Variants in EPHB1 observed in about 807,000 individuals in gnomAD.
The protein encoded by EPHB1 is ephrin type-B receptor 1.
EPHB1 carries 30 observed loss-of-function variants against 94.4 expected under a neutral mutation model. The ratio of observed to expected loss-of-function variants is 0.32; its 90% CI spans 0.24 to 0.43. EPHB1 has a LOEUF of 0.43. Ranked by LOEUF, EPHB1 falls within the 20% of genes least tolerant of loss-of-function variation. The pLI, the probability that EPHB1 is intolerant of heterozygous loss-of-function variation, is 1.00. For missense variants in EPHB1, 1,055 were observed against 1,308.3 expected (o/e 0.81, Z 2.99); for synonymous variants, 522 against 489.1 (o/e 1.07, Z -0.89).
chr3:134,817,899 C>T (rs1487169983), intron 1 of EPHB1, among the ~76,000 whole-genome samples: 1 of 152,262 alleles, frequency 6.6e-6, no homozygotes, highest in East Asian at 1.9e-4. Flanking sequence ...AGCGCAATGA[C>T]TGGCGGTCGG....
chr3:134,994,120 G>C (rs190784252), intron 3 of EPHB1, among the ~76,000 whole-genome samples: 10 of 152,142 alleles, frequency 6.6e-5, no homozygotes, highest in Non-Finnish European at 1.2e-4. Context: ...CTGTTTACTT[G>C]TCTATCTCCC....
intron 3 of EPHB1, among the ~76,000 whole-genome samples, chr3:135,026,428 A>C (rs1386824706): frequency 1.7e-4 from 25 of 149,936 alleles, no homozygotes; most frequent in South Asian, 8.5e-4. Context: ...AGCTTTCTAC[A>C]TATGGCTAGC....
intron 1 of EPHB1, among the ~76,000 whole-genome samples, chr3:134,825,180 G>T (rs7634094): frequency 0.18 from 27,380 of 152,154 alleles, 3,367 homozygotes; most frequent in African/African-American, 0.35. Context: ...CCTCTATAAT[G>T]GGAAGGGGAT....
At chr3:134,957,058 G>A (rs116449649) in intron 3 of EPHB1, among the ~76,000 whole-genome samples, 3,052 of 152,276 alleles carry the variant, frequency 0.02, 114 homozygotes, top group African/African-American at 0.07. Context: ...GGTGGTCTAG[G>A]CAGGTGGTCT....
chr3:135,024,034 C>T (rs34656673), intron 3 of EPHB1, among the ~76,000 whole-genome samples: 38,722 of 152,088 alleles, frequency 0.25, 6,420 homozygotes, highest in East Asian at 0.71. Flanking sequence ...TGAAAAGGGG[C>T]CCCGCTGCAA....
intron 3 of EPHB1, among the ~76,000 whole-genome samples, chr3:135,088,907 T>A (rs1938460339): frequency 6.6e-6 from 1 of 152,270 alleles, no homozygotes; most frequent in African/African-American, 2.4e-5. Context: ...ATACTTTTAA[T>A]TGAGCAGTTA....
At chr3:135,049,173 G>A (rs180882720) in intron 3 of EPHB1, among the ~76,000 whole-genome samples, 2 of 152,162 alleles carry the variant, frequency 1.3e-5, no homozygotes, top group Non-Finnish European at 2.9e-5. Context: ...ATTTTTTGCT[G>A]TCTTTAAAAG....
chr3:135,007,203 C>T (rs1268980649), intron 3 of EPHB1, among the ~76,000 whole-genome samples: 4 of 152,118 alleles, frequency 2.6e-5, no homozygotes. Flanking sequence ...CCTGAGGGTC[C>T]CAGCTGCCTA....
chr3:135,142,854 C>T (rs906007498), intron 5 of EPHB1, among the ~76,000 whole-genome samples: 12 of 152,004 alleles, frequency 7.9e-5, no homozygotes, highest in South Asian at 2.1e-4. Flanking sequence ...GGGGGCGTGA[C>T]GGTGGGAGGG....
At chr3:135,180,066 G>A in intron 10 of EPHB1, 84 bp downstream of exon 10, 2 of 1,526,398 alleles carry the variant, frequency 1.3e-6, no homozygotes, top group Non-Finnish European at 1.8e-6. Context: ...CTTTCAGTAT[G>A]AAAAGCCCCA....
intron 11 of EPHB1, among the ~76,000 whole-genome samples, chr3:135,200,275 T>TGAA (rs1482862337): frequency 1.3e-5 from 2 of 152,134 alleles, no homozygotes; most frequent in East Asian, 3.9e-4. Context: ...TTTTATTCAC[T>TGAA]GAAGAGTCTG....
At position 135,230,860 on chromosome 3, in the gene EPHB1, G is replaced by A. The variant is rs1323176465; in HGVS notation, c.2347-10288G>A. On this transcript the variant is annotated intron_variant, in intron 12 of 15. Coordinates refer to ENST00000398015, the MANE Select transcript of EPHB1 (RefSeq NM_004441.5). ...CTGCACTAATTCATTTAGGATTCTG[G>A]CCTCCAGCTCCATTCATGTTACCAC... Among the ~76,000 whole-genome samples, 4 of 152,234 alleles carry A rather than the reference G, an allele frequency of 2.6e-5. No individual in the cohort carries two copies. In the East Asian group the frequency reaches 7.7e-4, roughly 29 times the overall value.
intron 11 of EPHB1, among the ~76,000 whole-genome samples, chr3:135,196,486 C>T (rs1942621004): frequency 6.6e-6 from 1 of 152,158 alleles, no homozygotes; most frequent in African/African-American, 2.4e-5. Flanking sequence ...TGAAGCGTTT[C>T]TGACTCCTCA....
At chr3:134,963,576 A>G (rs1933613747) in intron 3 of EPHB1, among the ~76,000 whole-genome samples, 1 of 152,082 alleles carries the variant, frequency 6.6e-6, no homozygotes, top group Non-Finnish European at 1.5e-5. Flanking sequence ...TTCTGCATTA[A>G]CTCTTAAATC....
At chr3:134,912,888 T>G (rs2038483448) in intron 1 of EPHB1, among the ~76,000 whole-genome samples, 1 of 152,192 alleles carries the variant, frequency 6.6e-6, no homozygotes, top group African/African-American at 2.4e-5. Flanking sequence ...AAAGGGCACA[T>G]GTGGGCATGA....
chr3:134,798,739 G>A (rs142193738), intron 1 of EPHB1, among the ~76,000 whole-genome samples: 1,847 of 152,320 alleles, frequency 0.012, 37 homozygotes, highest in African/African-American at 0.042. Context: ...TGGGCTGCTG[G>A]TGTCTGTGAA....
At position 135,173,104 on chromosome 3, in the gene EPHB1, A is replaced by G. The variant is rs1422531520; in HGVS notation, c.1759+6098A>G. On this transcript the variant is annotated intron_variant, in intron 9 of 15. Transcript: ENST00000398015. ...GGCTGGAGTGCAGTGGCGGGATCTC[A>G]GCTCACTGCAAGCTCCGCCTCCCGG... Among the ~76,000 whole-genome samples the G allele has an allele frequency of 7.4e-4, 107 of 144,580 alleles. 1 individual carries two copies. In the South Asian group the frequency reaches 8.1e-3, roughly 11 times the overall value. 94.9% of individuals were successfully genotyped at this position (144,580 alleles called of 152,430 possible). A position where few individuals can be genotyped will look rare whatever the true frequency, so the allele number is the denominator to read the frequency against.
chr3:135,257,642 A>T (rs1346618494), intron 15 of EPHB1, among the ~76,000 whole-genome samples: 1 of 151,070 alleles, frequency 6.6e-6, no homozygotes, highest in Non-Finnish European at 1.5e-5. Flanking sequence ...AGGGACATTT[A>T]AGTCTGCAGA....
chr3:134,806,482 C>A (rs974107796), intron 1 of EPHB1, among the ~76,000 whole-genome samples: 2 of 152,196 alleles, frequency 1.3e-5, no homozygotes, highest in African/African-American at 4.8e-5. Flanking sequence ...CTTCCAGGCA[C>A]CCCTGCTGAC....
Sources: allele counts gnomAD v4.1 joint callset (sites outside exome capture counted in the v4.1 genomes callset), GRCh38; gene constraint gnomAD v4.1.1; transcripts MANE v1.5; gene names NCBI Gene and HGNC (gene_info 2026-07-23, HGNC 2026-07-21).